NEBL: variants seen among roughly 807,000 people sequenced by gnomAD.
The protein encoded by NEBL is LIM and SH3 protein 2.
A neutral mutation model predicts 140.2 loss-of-function variants in NEBL; 122 were observed. The ratio of observed to expected loss-of-function variants is 0.87; its 90% CI spans 0.75 to 1.01. NEBL has a LOEUF of 1.01. Ranked by LOEUF, NEBL falls within the 50% of genes least tolerant of loss-of-function variation. The pLI is 0.00. For missense variants in NEBL, 1,365 were observed against 1,231.3 expected (o/e 1.11, Z -1.62); for synonymous variants, 436 against 398.9 (o/e 1.09, Z -1.11).
intron 3 of NEBL, among the ~76,000 whole-genome samples, chr10:21,008,384 TTCTA>T (rs1397614206): frequency 6.6e-6 from 1 of 152,202 alleles, no homozygotes; most frequent in Non-Finnish European, 1.5e-5. Context: ...GTTGAAATTA[TTCTA>T]TCTTACTATT....
At chr10:21,031,444 G>A (rs1833785143) in intron 2 of NEBL, among the ~76,000 whole-genome samples, 1 of 152,226 alleles carries the variant, frequency 6.6e-6, no homozygotes, top group Non-Finnish European at 1.5e-5. Context: ...GATGGACCAA[G>A]ACCACGCCTA....
chr10:20,802,540 C>A (rs1837217199), intron 26 of NEBL, among the ~76,000 whole-genome samples: 1 of 152,090 alleles, frequency 6.6e-6, no homozygotes, highest in Admixed American at 6.6e-5. Context: ...CCAAAATAAT[C>A]ACATAGGAAA....
At chr10:20,950,883 T>C (rs370538449) in intron 4 of NEBL, among the ~76,000 whole-genome samples, 243 of 152,348 alleles carry the variant, frequency 1.6e-3, no homozygotes, top group Non-Finnish European at 2.7e-3. Context: ...TCTAAATCCA[T>C]ACTCTCTTTC....
intron 3 of NEBL, among the ~76,000 whole-genome samples, chr10:21,195,842 G>A (rs936745402): frequency 6.6e-6 from 1 of 152,102 alleles, no homozygotes; most frequent in African/African-American, 2.4e-5. Flanking sequence ...GGTGCTATTT[G>A]ATATTAATTA....
chr10:20,961,342 T>A (rs1234437943), intron 4 of NEBL, among the ~76,000 whole-genome samples: 1 of 152,198 alleles, frequency 6.6e-6, no homozygotes, highest in Non-Finnish European at 1.5e-5. Context: ...ACCTTATATG[T>A]ATATTTTATA....
At chr10:20,937,646 C>A in intron 4 of NEBL, among the ~76,000 whole-genome samples, 1 of 152,138 alleles carries the variant, frequency 6.6e-6, no homozygotes, top group Admixed American at 6.5e-5. Context: ...TGAGGCATCG[C>A]CTCACCCAGG....
upstream of NEBL, chr10:20,899,421 G>A (rs530067694): frequency 3.0e-5 from 39 of 1,303,692 alleles, 1 homozygote; most frequent in South Asian, 1.9e-4. Context: ...TTCCCATCAC[G>A]TAATATGTTC....
chr10:20,788,427 ATAAT>A (rs1381745856), intron 26 of NEBL, among the ~76,000 whole-genome samples: 1 of 152,160 alleles, frequency 6.6e-6, no homozygotes, highest in Non-Finnish European at 1.5e-5. Context: ...AGTGTTATGA[ATAAT>A]TAATATTTTA....
rs984363670 is a variant in NEBL at position 21,173,139 on chromosome 10, G to A, written c.69+626C>T. Among the ~76,000 whole-genome samples the A allele has an allele frequency of 6.6e-6, 1 of 152,208 alleles. No individual in the cohort carries two copies. The highest frequency in any genetic ancestry group is 1.5e-5 in the Non-Finnish European group (1 of 68,028). On this transcript the variant is annotated intron_variant, in intron 1 of 6. Transcript: ENST00000417816. The surrounding 1 kb of genome is among the most constrained non-coding windows in gnomAD (Gnocchi z 5.7). ...GTTCATCTCCGTCCCTGCCCGGGAA[G>A]GGCAGGGGGCAGGGCTGGAGGGGCC...
At chr10:21,072,892 G>T (rs1018432578) in intron 2 of NEBL, among the ~76,000 whole-genome samples, 7 of 152,226 alleles carry the variant, frequency 4.6e-5, no homozygotes, top group African/African-American at 1.7e-4. Context: ...TTGGGAGGCT[G>T]AGGCATGAGA....
intron 3 of NEBL, among the ~76,000 whole-genome samples, chr10:21,221,023 G>A (rs1170449720): frequency 6.6e-6 from 1 of 152,100 alleles, no homozygotes; most frequent in African/African-American, 2.4e-5. Context: ...AGGCGTAGTG[G>A]CATGCACCTG....
intron 2 of NEBL, among the ~76,000 whole-genome samples, chr10:21,140,832 T>C (rs778688803): frequency 5.3e-5 from 8 of 151,876 alleles, no homozygotes; most frequent in Non-Finnish European, 1.0e-4. Context: ...AGGACAAATA[T>C]CTAACGCATG....
chr10:21,277,367 C>T (rs537244540), intron 1 of NEBL, among the ~76,000 whole-genome samples: 3 of 152,218 alleles, frequency 2.0e-5, no homozygotes, highest in African/African-American at 7.2e-5. Flanking sequence ...CACCACCACT[C>T]CTGGCTAAAT....
chr10:21,073,626 A>G (rs1310599039), intron 2 of NEBL, among the ~76,000 whole-genome samples: 2 of 151,784 alleles, frequency 1.3e-5, no homozygotes, highest in East Asian at 3.9e-4. Flanking sequence ...TCAAAAAAAA[A>G]AAAAAAAAAA....
At chr10:21,292,113 G>A (rs1468312967) in intron 1 of NEBL, among the ~76,000 whole-genome samples, 1 of 152,106 alleles carries the variant, frequency 6.6e-6, no homozygotes, top group Non-Finnish European at 1.5e-5. Context: ...TTTGGAGTTT[G>A]GGTCTCTGTA....
chr10:20,844,686 T>C (rs996075632), intron 12 of NEBL, among the ~76,000 whole-genome samples: 6 of 151,950 alleles, frequency 3.9e-5, no homozygotes, highest in Non-Finnish European at 8.8e-5. Context: ...CTCTATTCTA[T>C]ATGTTAAATA....
At chr10:21,166,260 AT>A (rs1241601967) in intron 2 of NEBL, among the ~76,000 whole-genome samples, 7 of 101,120 alleles carry the variant, frequency 6.9e-5, no homozygotes, top group Non-Finnish European at 1.1e-4. Flanking sequence ...AGAAAAAAAA[AT>A]TTTCTACATC....
chr10:21,066,241 C>A (rs1213265812), intron 2 of NEBL, among the ~76,000 whole-genome samples: 1 of 152,114 alleles, frequency 6.6e-6, no homozygotes, highest in Non-Finnish European at 1.5e-5. Flanking sequence ...TCCTCTTCCA[C>A]ATACTTTTAC....
intron 4 of NEBL, among the ~76,000 whole-genome samples, chr10:20,932,834 C>T (rs1323883485): frequency 3.9e-5 from 6 of 152,208 alleles, no homozygotes; most frequent in Non-Finnish European, 8.8e-5. Flanking sequence ...CCTCAGCAAT[C>T]CCTAACTTTG....
Sources: gnomAD v4.1 joint callset for allele counts (sites outside exome capture counted in the v4.1 genomes callset) on GRCh38, gnomAD v4.1.1 for gene constraint, Gnocchi (gnomAD v3.1) non-coding constraint, MANE v1.5 for transcripts, NCBI Gene and HGNC (gene_info 2026-07-23, HGNC 2026-07-21) for gene names.